The following PPFIA2 variants were observed in gnomAD, a reference collection of about 807,000 sequenced individuals.
PPFIA2 encodes the protein liprin-alpha-2.
In PPFIA2, 46 loss-of-function variants were observed where a neutral mutation model predicts 175.5. The observed-to-expected ratio is 0.26, with a 90% CI of 0.21 to 0.34. PPFIA2 has a LOEUF of 0.34. Ranked by LOEUF, PPFIA2 falls within the 10% of genes least tolerant of loss-of-function variation. PPFIA2 has a pLI of 1.00. For missense variants in PPFIA2, 1,179 were observed against 1,506.1 expected, an observed-to-expected ratio of 0.78 and a Z score of 3.60; for synonymous variants, 568 against 511.4, an observed-to-expected ratio of 1.11 and a Z score of -1.49.
At chr12:81,266,435 A>C (rs1251419277) in intron 30 of PPFIA2, among the ~76,000 whole-genome samples, 1 of 152,192 alleles carries the variant, frequency 6.6e-6, no homozygotes, top group Non-Finnish European at 1.5e-5. Context: ...TATTCAATAT[A>C]GCTTTCAAAT....
At chr12:81,645,129 A>C (rs913165014) in intron 4 of PPFIA2, among the ~76,000 whole-genome samples, 2 of 152,008 alleles carry the variant, frequency 1.3e-5, no homozygotes, top group African/African-American at 2.4e-5. Context: ...ACACTTTTTT[A>C]ACCTGAATTT....
At chr12:81,615,161 A>G (rs556126507) in intron 4 of PPFIA2, among the ~76,000 whole-genome samples, 54 of 152,334 alleles carry the variant, frequency 3.5e-4, no homozygotes, top group Admixed American at 6.5e-4. Flanking sequence ...AAAGATAGAA[A>G]GGTATTAAAG....
At chr12:81,552,405 T>A (rs183883677) in intron 4 of PPFIA2, among the ~76,000 whole-genome samples, 11 of 151,976 alleles carry the variant, frequency 7.2e-5, no homozygotes, top group African/African-American at 2.6e-4. Flanking sequence ...AACAGTTAAT[T>A]ACAGAGACAG....
intron 7 of PPFIA2, among the ~76,000 whole-genome samples, chr12:81,411,642 C>G (rs2043992570): frequency 6.6e-6 from 1 of 152,030 alleles, no homozygotes; most frequent in Non-Finnish European, 1.5e-5. Flanking sequence ...TCTTCTAGCT[C>G]CTTGCCTGTG....
At chr12:81,717,375 T>C (rs2153624732) in intron 3 of PPFIA2, among the ~76,000 whole-genome samples, 1 of 151,838 alleles carries the variant, frequency 6.6e-6, no homozygotes, top group East Asian at 1.9e-4. Flanking sequence ...CATAGTTTGC[T>C]AGCTTCAGGC....
At chr12:81,522,419 TTCAC>T in intron 4 of PPFIA2, among the ~76,000 whole-genome samples, 1 of 152,274 alleles carries the variant, frequency 6.6e-6, no homozygotes, top group South Asian at 2.1e-4. Context: ...TTTCTGAAGA[TTCAC>T]TCTCTGAAAA....
intron 4 of PPFIA2, among the ~76,000 whole-genome samples, chr12:81,654,125 A>C (rs1297476639): frequency 6.6e-6 from 1 of 151,962 alleles, no homozygotes; most frequent in Non-Finnish European, 1.5e-5. Flanking sequence ...TAGAATGAAA[A>C]GTACTAGCGA....
chr12:81,626,157 C>T lies in PPFIA2; in HGVS notation c.303+50634G>A, dbSNP rs374293767. Among the ~76,000 whole-genome samples the T allele has an allele frequency of 1.7e-4, 26 of 151,054 alleles. No individual in the cohort carries two copies. In the East Asian group the frequency reaches 3.9e-3, roughly 23 times the overall value. On this transcript the variant is annotated intron_variant, in intron 4 of 32. Transcript: ENST00000549396. ...TTTACAAGATTGTAGATTAACTTTA[C>T]GTATATTTCCTAATTAAAGGAACAT...
Position 81,753,956 on chromosome 12 carries a change from G to T in PPFIA2, c.249+17C>A, listed in dbSNP as rs753864252. The T allele has an allele frequency of 1.4e-5, 23 of 1,611,890 alleles. No homozygotes were observed. The highest frequency in any genetic ancestry group is 3.3e-5 in the Admixed American group (2 of 59,906). ...TTCAATTACAATAGGAGAAACAAAG[G>T]CTACCAGGAAGCATACCTGTGGCAG... On this transcript the variant is annotated intron_variant, in intron 3 of 32. Coordinates refer to ENST00000549396, the MANE Select transcript of PPFIA2 (RefSeq NM_003625.5).
chr12:81,569,342 T>G lies in PPFIA2; in HGVS notation c.303+107449A>C, dbSNP rs113627436. Among the ~76,000 whole-genome samples the G allele has an allele frequency of 8.6e-3, 1,317 of 152,274 alleles. 14 individuals are homozygous for G. The highest frequency in any genetic ancestry group is 0.03 in the African/African-American group (1,250 of 41,566). On this transcript the variant is annotated intron_variant, in intron 4 of 32. Coordinates refer to ENST00000549396, the MANE Select transcript of PPFIA2 (RefSeq NM_003625.5). ...AAAATTGCTATTTTAAGATGAGAAT[T>G]GTACGTAACTTTTATCTTCCCTAAC... is the stretch of plus-strand genomic sequence containing the variant.
At chr12:81,401,814 G>C (rs1041091617) in intron 8 of PPFIA2, among the ~76,000 whole-genome samples, 2 of 152,104 alleles carry the variant, frequency 1.3e-5, no homozygotes, top group African/African-American at 4.8e-5. Flanking sequence ...AGTTATTAGA[G>C]CCTGGTTCTG....
At chr12:81,311,707 T>C (rs1389562422) in intron 22 of PPFIA2, among the ~76,000 whole-genome samples, 1 of 128,974 alleles carries the variant, frequency 7.8e-6, no homozygotes, top group African/African-American at 3.0e-5. Flanking sequence ...CACTCCAGCC[T>C]GGGCAACATA....
At chr12:81,281,705 G>A (rs1317063213) in intron 26 of PPFIA2, among the ~76,000 whole-genome samples, 1 of 151,980 alleles carries the variant, frequency 6.6e-6, no homozygotes, top group African/African-American at 2.4e-5. Flanking sequence ...GTCCAAGTAT[G>A]TATTTTATTA....
chr12:81,465,923 A>G (rs903916836), intron 4 of PPFIA2, among the ~76,000 whole-genome samples: 2 of 152,320 alleles, frequency 1.3e-5, no homozygotes, highest in African/African-American at 4.8e-5. Context: ...CACTATGTAT[A>G]TGCAATATTT....
intron 4 of PPFIA2, among the ~76,000 whole-genome samples, chr12:81,669,152 T>TC (rs755503443): frequency 2.8e-4 from 42 of 151,920 alleles, no homozygotes; most frequent in Non-Finnish European, 7.4e-5. Flanking sequence ...TTTAAAGGTT[T>TC]CCCTGGGTCC....
chr12:81,261,664 T>C (rs955922595), intron 32 of PPFIA2, among the ~76,000 whole-genome samples: 2 of 152,160 alleles, frequency 1.3e-5, no homozygotes, highest in Admixed American at 6.5e-5. Context: ...CAGGAAATGG[T>C]ACTAAAAAGT....
At chr12:81,482,836 T>A (rs1313942248) in intron 4 of PPFIA2, among the ~76,000 whole-genome samples, 2 of 152,112 alleles carry the variant, frequency 1.3e-5, no homozygotes, top group African/African-American at 4.8e-5. Context: ...ACATGTGTAC[T>A]TATGTAACAA....
At chr12:81,490,730 T>C (rs2059338925) in intron 4 of PPFIA2, among the ~76,000 whole-genome samples, 1 of 152,006 alleles carries the variant, frequency 6.6e-6, no homozygotes, top group Non-Finnish European at 1.5e-5. Context: ...CACTGTTTTC[T>C]GTTCAGTCTT....
intron 16 of PPFIA2, among the ~76,000 whole-genome samples, chr12:81,354,032 T>C (rs1284940716): frequency 6.6e-6 from 1 of 152,212 alleles, no homozygotes; most frequent in Non-Finnish European, 1.5e-5. Flanking sequence ...TTAAAAATAC[T>C]TTATAGCTAA....
Sources: allele counts gnomAD v4.1 joint callset (sites outside exome capture counted in the v4.1 genomes callset), GRCh38; gene constraint gnomAD v4.1.1; transcripts MANE v1.5; gene names NCBI Gene and HGNC (gene_info 2026-07-23, HGNC 2026-07-21).